Variants in TTLL11 observed in about 807,000 individuals in gnomAD.
The protein encoded by TTLL11 is tubulin tyrosine ligase like 11.
In TTLL11, 42 loss-of-function variants were observed where a neutral mutation model predicts 51.7. The observed-to-expected ratio is 0.81, with a 90% CI of 0.64 to 1.05. The LOEUF is 1.05. TTLL11 is among the 50% of genes least tolerant of loss of function. The pLI, the probability that TTLL11 is intolerant of heterozygous loss-of-function variation, is 0.00. For missense variants in TTLL11, 799 were observed against 940.4 expected, an observed-to-expected ratio of 0.85 and a Z score of 1.97; for synonymous variants, 381 against 383.5, an observed-to-expected ratio of 0.99 and a Z score of 0.08.
chr9:121,941,805 C>G (rs867586979), intron 6 of TTLL11, among the ~76,000 whole-genome samples: 30 of 152,158 alleles, frequency 2.0e-4, no homozygotes, highest in African/African-American at 7.2e-4. Context: ...CCTCTGTGTT[C>G]CCTGCCTCTG....
chr9:122,086,048 TCTG>T (rs1846114486), intron 1 of TTLL11, among the ~76,000 whole-genome samples: 1 of 152,226 alleles, frequency 6.6e-6, no homozygotes, highest in Admixed American at 6.5e-5. Flanking sequence ...GCCTTAAACT[TCTG>T]CTGATACAAA....
chr9:121,840,954 G>A (rs1588061652), intron 8 of TTLL11, among the ~76,000 whole-genome samples: 2 of 152,360 alleles, frequency 1.3e-5, no homozygotes, highest in South Asian at 4.1e-4. Flanking sequence ...GTGGAAAGGG[G>A]ATAAGACACC....
chr9:121,872,646 G>T (rs1056506464), intron 6 of TTLL11, among the ~76,000 whole-genome samples: 1 of 152,166 alleles, frequency 6.6e-6, no homozygotes, highest in Non-Finnish European at 1.5e-5. Flanking sequence ...CCAGCCTCTG[G>T]GAAAAACTCC....
chr9:121,872,718 C>T (rs1838398574), intron 6 of TTLL11, among the ~76,000 whole-genome samples: 4 of 152,192 alleles, frequency 2.6e-5, no homozygotes, highest in Admixed American at 2.6e-4. Context: ...GGTCTTGATG[C>T]TGGTCTCAAA....
intron 6 of TTLL11, among the ~76,000 whole-genome samples, chr9:121,945,281 C>G (rs13300296): frequency 0.2 from 30,644 of 152,200 alleles, 3,253 homozygotes; most frequent in Middle Eastern, 0.24. Context: ...AGGAGGTTTG[C>G]TGAGGTCCCA....
intron 8 of TTLL11, among the ~76,000 whole-genome samples, chr9:121,845,869 C>G (rs78748027): frequency 0.025 from 3,879 of 152,136 alleles, 103 homozygotes; most frequent in African/African-American, 0.072. Flanking sequence ...AAACAAAGAA[C>G]AAGTCAGTGA....
chr9:121,947,049 T>C (rs745818051), intron 6 of TTLL11, among the ~76,000 whole-genome samples: 1 of 152,122 alleles, frequency 6.6e-6, no homozygotes, highest in Non-Finnish European at 1.5e-5. Context: ...CTGTTCCAGG[T>C]AGCCCAGCTC....
chr9:121,866,256 C>CGT (rs1838171716), intron 7 of TTLL11, among the ~76,000 whole-genome samples: 1 of 152,130 alleles, frequency 6.6e-6, no homozygotes, highest in Non-Finnish European at 1.5e-5. Context: ...AGAGAAAATG[C>CGT]GTGCTGTTAA....
At chr9:122,036,463 T>G (rs570815341) in intron 2 of TTLL11, among the ~76,000 whole-genome samples, 1 of 151,870 alleles carries the variant, frequency 6.6e-6, no homozygotes, top group South Asian at 2.1e-4. Flanking sequence ...CTAAAGAAAG[T>G]AGACATATCT....
At chr9:122,033,402 G>C (rs567619587) in intron 2 of TTLL11, among the ~76,000 whole-genome samples, 1 of 152,116 alleles carries the variant, frequency 6.6e-6, no homozygotes, top group Non-Finnish European at 1.5e-5. Flanking sequence ...CGTGGCCACC[G>C]CACCCGGCTA....
intron 1 of TTLL11, among the ~76,000 whole-genome samples, chr9:122,041,567 AG>A (rs1174671005): frequency 6.6e-6 from 1 of 152,262 alleles, no homozygotes; most frequent in African/African-American, 2.4e-5. Flanking sequence ...AAACAAATTC[AG>A]CAAAGTTGCA....
chr9:121,938,392 A>C (rs1841312498), intron 6 of TTLL11, among the ~76,000 whole-genome samples: 1 of 152,108 alleles, frequency 6.6e-6, no homozygotes, highest in Non-Finnish European at 1.5e-5. Flanking sequence ...AGGTATAAGG[A>C]CTAAAAAGGG....
chr9:121,884,541 G>C (rs1000108070), intron 6 of TTLL11: 2 of 152,458 alleles, frequency 1.3e-5, no homozygotes, highest in Middle Eastern at 3.4e-3. Flanking sequence ...AGGGGCAGCA[G>C]AAACGCTCCA....
intron 3 of TTLL11, among the ~76,000 whole-genome samples, chr9:122,021,080 C>T (rs1024872429): frequency 4.7e-4 from 70 of 150,298 alleles, no homozygotes; most frequent in African/African-American, 1.6e-3. Flanking sequence ...TCTTGCCCCG[C>T]ATCGCTCGAG....
At chr9:122,053,897 A>G (rs1197094710) in intron 1 of TTLL11, among the ~76,000 whole-genome samples, 1 of 152,132 alleles carries the variant, frequency 6.6e-6, no homozygotes, top group Non-Finnish European at 1.5e-5. Flanking sequence ...CTTCCAATGT[A>G]ATAAAGGCGC....
chr9:122,088,530 G>A (rs988947248), intron 1 of TTLL11, among the ~76,000 whole-genome samples: 1 of 152,164 alleles, frequency 6.6e-6, no homozygotes, highest in East Asian at 1.9e-4. Flanking sequence ...TAACCTCTGT[G>A]TATTTCCATG....
chr9:122,074,206 G>A (rs528597277), intron 1 of TTLL11, among the ~76,000 whole-genome samples: 66 of 151,186 alleles, frequency 4.4e-4, no homozygotes, highest in African/African-American at 1.6e-3. Flanking sequence ...CCTGGGAGGC[G>A]GAGGTTGCAG....
chr9:122,029,400 T>A (rs890826578), intron 3 of TTLL11, among the ~76,000 whole-genome samples: 1 of 152,074 alleles, frequency 6.6e-6, no homozygotes, highest in African/African-American at 2.4e-5. Flanking sequence ...GACCTTCCAG[T>A]GGGATAAGAA....
intron 6 of TTLL11, among the ~76,000 whole-genome samples, chr9:121,941,064 T>C (rs1841442793): frequency 6.6e-6 from 1 of 152,208 alleles, no homozygotes; most frequent in African/African-American, 2.4e-5. Flanking sequence ...CATGAAAACG[T>C]TTTAACTGTG....
Sources: allele counts gnomAD v4.1 joint callset (sites outside exome capture counted in the v4.1 genomes callset), GRCh38; gene constraint gnomAD v4.1.1; transcripts MANE v1.5; gene names NCBI Gene and HGNC (gene_info 2026-07-23, HGNC 2026-07-21).